The following MYO5A variants were observed in gnomAD, a reference collection of about 807,000 sequenced individuals.
The protein encoded by MYO5A is unconventional myosin-Va.
In MYO5A, 98 loss-of-function variants were observed where a neutral mutation model predicts 249.7. That is an observed-to-expected ratio of 0.39 (90% CI 0.33 to 0.46). MYO5A has a LOEUF of 0.46. Ranked by LOEUF, MYO5A falls within the 20% of genes least tolerant of loss-of-function variation. The pLI is 0.98. For synonymous variants in MYO5A, 778 were observed against 810.6 expected (o/e 0.96, Z 0.68); for missense variants, 1,696 against 2,308.8 (o/e 0.73, Z 5.44).
intron 1 of MYO5A, among the ~76,000 whole-genome samples, chr15:52,467,546 G>A (rs141164468): frequency 5.3e-5 from 8 of 152,252 alleles, no homozygotes; most frequent in Non-Finnish European, 8.8e-5. Flanking sequence ...CCAAGCTTAC[G>A]AATTATTGGT....
chr15:52,392,514 T>A (rs1487810902), intron 11 of MYO5A, among the ~76,000 whole-genome samples: 1 of 152,232 alleles, frequency 6.6e-6, no homozygotes, highest in Non-Finnish European at 1.5e-5. Flanking sequence ...CCTAAGGGAC[T>A]GTGGTGCTGA....
intron 12 of MYO5A, among the ~76,000 whole-genome samples, chr15:52,390,608 G>A (rs1288516078): frequency 1.4e-5 from 2 of 139,774 alleles, no homozygotes; most frequent in African/African-American, 5.4e-5. Context: ...CACCCAGGCT[G>A]GAGTGCAATG....
At position 52,392,040 on chromosome 15, in the gene MYO5A, T is replaced by A. The variant is rs982621367; in HGVS notation, c.1432A>T (p.Met478Leu). 6.2e-7 allele frequency: 1 copy of A among 1,611,980 alleles called. No individual in the cohort carries two copies. The highest frequency in any genetic ancestry group is 1.3e-5 in the African/African-American group (1 of 74,864). Residue 478 changes from methionine (M) to leucine (L), a missense_variant, in exon 12 of 42, where the codon ATG becomes TTG. By Grantham distance (15) the Met-to-Leu change is conservative. Coordinates refer to ENST00000399233, the MANE Select transcript of MYO5A (RefSeq NM_001382347.1). ...HVFKLEQEEYMKEQIPWTLID... is the reference protein window; with the variant it reads ...HVFKLEQEEYLKEQIPWTLID... ...AGTGTCCATGGAATTTGTTCCTTCA[T>A]ATATTCTTCTTGCTCCAATTTGAAG...
At chr15:52,460,656 T>G (rs994030582) in intron 1 of MYO5A, among the ~76,000 whole-genome samples, 13 of 151,578 alleles carry the variant, frequency 8.6e-5, no homozygotes, top group Non-Finnish European at 1.6e-4. Context: ...ACGAGGACCG[T>G]GCGAGGGCGA....
chr15:52,314,230 T>C, intron 40 of MYO5A, 27 bp from the exon 41 acceptor site: 1 of 1,536,768 alleles, frequency 6.5e-7, no homozygotes, highest in Non-Finnish European at 9.0e-7. Context: ...GATCAAAGTT[T>C]TTGGCATATT....
At chr15:52,342,361 A>G (rs555078782) in intron 31 of MYO5A, among the ~76,000 whole-genome samples, 193 of 152,328 alleles carry the variant, frequency 1.3e-3, no homozygotes, top group Admixed American at 2.4e-3. Context: ...CCTGTGTCAA[A>G]AAAAAGAAAA....
chr15:52,313,993 C>A, intron 41 of MYO5A, 130 bp downstream of exon 41: 2 of 1,312,944 alleles, frequency 1.5e-6, no homozygotes, highest in Non-Finnish European at 2.1e-6. Flanking sequence ...TCCCAATTAA[C>A]TATTATCAAA....
intron 6 of MYO5A, among the ~76,000 whole-genome samples, chr15:52,409,628 T>G (rs950431175): frequency 6.6e-6 from 1 of 152,108 alleles, no homozygotes; most frequent in Non-Finnish European, 1.5e-5. Context: ...CTCAATGCAG[T>G]GGGCATGCAG....
At chr15:52,463,895 T>C (rs1595731482) in intron 1 of MYO5A, among the ~76,000 whole-genome samples, 2 of 152,356 alleles carry the variant, frequency 1.3e-5, no homozygotes, top group South Asian at 4.1e-4. Flanking sequence ...TTAATCATTC[T>C]AGTTTATTTT....
intron 1 of MYO5A, among the ~76,000 whole-genome samples, chr15:52,518,636 G>GA (rs1267379360): frequency 6.6e-6 from 1 of 152,136 alleles, no homozygotes; most frequent in Non-Finnish European, 1.5e-5. Context: ...AGTACTGGCA[G>GA]AAAAGTGTTT....
intron 1 of MYO5A, among the ~76,000 whole-genome samples, chr15:52,508,393 A>G (rs1386629460): frequency 6.6e-6 from 1 of 152,202 alleles, no homozygotes; most frequent in Admixed American, 6.5e-5. Flanking sequence ...GAAAAAAAAA[A>G]AAAGTAGAAC....
In MYO5A at chr15:52,336,393, T is replaced by C. The variant is rs528469982; in HGVS notation, c.4408+70A>G. ...ATGCAAACCTCTATTAGGCCACTTATATAGCCTAGTCTTTAAGCCAAGACT... is the reference window on the plus strand; with the variant it reads ...ATGCAAACCTCTATTAGGCCACTTACATAGCCTAGTCTTTAAGCCAAGACT... On this transcript the variant is annotated intron_variant, in intron 34 of 41. Coordinates refer to ENST00000399233, the MANE Select transcript of MYO5A (RefSeq NM_001382347.1). 2.3e-5 allele frequency: 24 copies of C among 1,045,132 alleles called. 1 individual carries two copies. Among genetic ancestry groups the C allele is most frequent in the Middle Eastern group, 4.0e-4 (2 of 4,976 alleles). 64.7% of individuals were successfully genotyped at this position (1,045,132 alleles called of 1,614,324 possible).
At position 52,340,188 on chromosome 15, in the gene MYO5A, C is replaced by T. The variant is rs767116762; in HGVS notation, c.4239+8G>A. ...TAAGAAGCATGTGGACCCGGCAGCTCTCCTTACCAAGTTTTCGTTGGTCAG... is the reference window on the plus strand; with the variant it reads ...TAAGAAGCATGTGGACCCGGCAGCTTTCCTTACCAAGTTTTCGTTGGTCAG... On this transcript the variant is annotated splice_region_variant and intron_variant, in intron 32 of 41. Coordinates refer to ENST00000399233, the MANE Select transcript of MYO5A (RefSeq NM_001382347.1). The T allele has an allele frequency of 3.7e-6, 6 of 1,614,032 alleles. No homozygotes were observed.
intron 4 of MYO5A, among the ~76,000 whole-genome samples, chr15:52,416,703 A>G (rs1215437841): frequency 6.6e-6 from 1 of 152,230 alleles, no homozygotes; most frequent in African/African-American, 2.4e-5. Context: ...CAATTAATTG[A>G]GACATGCATT....
intron 27 of MYO5A, 52 bp downstream of exon 27, chr15:52,353,553 G>T: frequency 6.7e-7 from 1 of 1,489,306 alleles, no homozygotes; most frequent in Non-Finnish European, 9.4e-7. Context: ...CTCTGAATGG[G>T]CCTCTTGCCA....
intron 1 of MYO5A, among the ~76,000 whole-genome samples, chr15:52,488,282 T>C (rs995276564): frequency 1.3e-5 from 2 of 152,132 alleles, no homozygotes; most frequent in African/African-American, 4.8e-5. Flanking sequence ...TTTGTAAATA[T>C]ATGTAGCTGA....
chr15:52,446,625 G>C (rs1288991687), intron 1 of MYO5A, among the ~76,000 whole-genome samples: 1 of 152,114 alleles, frequency 6.6e-6, no homozygotes, highest in Non-Finnish European at 1.5e-5. Context: ...AAATCCACTG[G>C]CACCTTGCAC....
intron 1 of MYO5A, among the ~76,000 whole-genome samples, chr15:52,512,962 C>T (rs1299293453): frequency 6.7e-6 from 1 of 149,898 alleles, no homozygotes; most frequent in Non-Finnish European, 1.5e-5. Flanking sequence ...GAGCTGAGAT[C>T]GCACCAGTGC....
chr15:52,384,511 A>T (rs1479806043), intron 14 of MYO5A, among the ~76,000 whole-genome samples, 189 bp from the exon 15 acceptor site: 1 of 152,228 alleles, frequency 6.6e-6, no homozygotes, highest in African/African-American at 2.4e-5. Context: ...ATACAAAAAT[A>T]ACACGGAAAA....
Sources: gnomAD v4.1 joint callset for allele counts (sites outside exome capture counted in the v4.1 genomes callset) on GRCh38, gnomAD v4.1.1 for gene constraint, MANE v1.5 for transcripts, NCBI Gene and HGNC (gene_info 2026-07-23, HGNC 2026-07-21) for gene names.